The following RASL12 variants were observed in gnomAD, a reference collection of about 807,000 sequenced individuals.
The protein encoded by RASL12 is ras-like protein family member 12.
In RASL12, 16 loss-of-function variants were observed where a neutral mutation model predicts 22.9. The observed-to-expected ratio is 0.70, with a 90% CI of 0.47 to 1.06. The LOEUF is 1.06. Among genes scored for constraint, RASL12 ranks in the 50% least tolerant of loss-of-function variants. The probability of loss-of-function intolerance (pLI) is 0.00; values close to 1 mark genes in which losing one functional copy is unlikely to be tolerated. For synonymous variants in RASL12, 159 were observed against 152.2 expected (o/e 1.04, Z -0.33); for missense variants, 306 against 353.1 (o/e 0.87, Z 1.07).
chr15:65,049,696 C>T (rs528378414), downstream of RASL12: 104 of 223,866 alleles, frequency 4.6e-4, no homozygotes, highest in African/African-American at 2.3e-3. Flanking sequence ...GAACAGTGCT[C>T]CTCCACACAT....
At chr15:65,073,785 G>A (rs995290531) in intron 1 of RASL12, among the ~76,000 whole-genome samples, 1 of 152,162 alleles carries the variant, frequency 6.6e-6, no homozygotes, top group African/African-American at 2.4e-5. Context: ...AGCAATAAAT[G>A]GATAATATCC....
chr15:65,051,045 T>C (rs1448991528), downstream of RASL12, among the ~76,000 whole-genome samples: 1 of 151,944 alleles, frequency 6.6e-6, no homozygotes, highest in African/African-American at 2.4e-5. Context: ...CATTTCACCA[T>C]GTTGGCCAGG....
At chr15:65,076,296 C>G (rs61447573) in intron 1 of RASL12, among the ~76,000 whole-genome samples, 1 of 152,278 alleles carries the variant, frequency 6.6e-6, no homozygotes, top group African/African-American at 2.4e-5. Context: ...TAACACTCAC[C>G]GTGAAAGTCT....
Position 65,053,433 on chromosome 15 carries a change from A to G in RASL12, c.*1466T>C, listed in dbSNP as rs2086684042. The stretch of plus-strand genomic sequence containing the variant: ...AGATGGCAGTGGTACACACACACAT[A>G]CACACACAAGTGGCCTGGAGCAAAA... On this transcript the variant is annotated 3_prime_UTR_variant, in exon 5 of 5. Coordinates refer to ENST00000220062, the MANE Select transcript of RASL12 (RefSeq NM_016563.4). The G allele has an allele frequency of 1.6e-6, 2 of 1,253,530 alleles. No individual in the cohort carries two copies. Among genetic ancestry groups the G allele is most frequent in the Non-Finnish European group, 2.0e-6 (2 of 996,084 alleles). The allele number at this position is 1,253,530 out of a possible 1,614,324, so 77.7% of individuals were successfully genotyped here.
chr15:65,051,927 CAG>C (rs2086658807), downstream of RASL12, among the ~76,000 whole-genome samples: 1 of 152,190 alleles, frequency 6.6e-6, no homozygotes, highest in African/African-American at 2.4e-5. Context: ...AAAGTCAACT[CAG>C]AGATGAGTGG....
At chr15:65,060,709 A>G (rs112295327) in intron 2 of RASL12, among the ~76,000 whole-genome samples, 45 of 152,304 alleles carry the variant, frequency 3.0e-4, no homozygotes, top group African/African-American at 1.0e-3. Flanking sequence ...ACCTTTTGGC[A>G]GAACTGGGGT....
intron 4 of RASL12, among the ~76,000 whole-genome samples, chr15:65,056,981 C>G (rs2086740257): frequency 6.6e-6 from 1 of 152,150 alleles, no homozygotes; most frequent in East Asian, 1.9e-4. Flanking sequence ...GTACTGAAAA[C>G]TGGCCTACTC....
chr15:65,067,682 A>G, intron 1 of RASL12, 51 bp downstream of exon 1: 1 of 1,499,142 alleles, frequency 6.7e-7, no homozygotes, highest in Non-Finnish European at 8.9e-7. Flanking sequence ...CTGTCCCCCC[A>G]CCCACGCCCA....
rs147234842 is a variant in RASL12, at chr15:65,074,822, C to T, written c.70+1707G>A. Among the ~76,000 whole-genome samples the T allele has an allele frequency of 4.0e-3, 603 of 152,364 alleles. 2 individuals are homozygous for T. Among genetic ancestry groups the T allele is most frequent in the East Asian group, 0.011 (56 of 5,192 alleles). On this transcript the variant is annotated intron_variant, in intron 1 of 4. Coordinates refer to the RASL12 transcript ENST00000434605. Reference sequence around the variant, plus strand: ...AGTGCGCCCGCACGCTGCAGGTGCACGGTATATGGTCACTATTATTGAGAG... The same window carrying T: ...AGTGCGCCCGCACGCTGCAGGTGCATGGTATATGGTCACTATTATTGAGAG...
chr15:65,071,535 C>T (rs2140537805), upstream of RASL12, among the ~76,000 whole-genome samples: 1 of 152,272 alleles, frequency 6.6e-6, no homozygotes, highest in South Asian at 2.1e-4. Flanking sequence ...GACCCCCCAC[C>T]TTGGATGACC....
intron 1 of RASL12, chr15:65,076,397 C>G (rs897678065): frequency 4.1e-6 from 2 of 484,358 alleles, no homozygotes; most frequent in African/African-American, 4.0e-5. Flanking sequence ...GTAACACTCA[C>G]AGCGAAGGTC....
At chr15:65,052,867 TAGAG>T, downstream of RASL12, 1 of 1,082,698 alleles carries the variant, frequency 9.2e-7, no homozygotes, top group Non-Finnish European at 1.4e-6. Context: ...CCAAACTGCA[TAGAG>T]AATTTTCCCC....
In RASL12 at chr15:65,067,936, G is replaced by A; in HGVS notation, c.-101C>T. 7.8e-7 allele frequency: 1 copy of A among 1,283,496 alleles called. No homozygotes were observed. The allele number at this position is 1,283,496 out of a possible 1,614,324, so 79.5% of individuals were successfully genotyped here. A position where few individuals can be genotyped will look rare whatever the true frequency, so the allele number is the denominator to read the frequency against. ...GGAGCGGGATGCAGGCTTCCCTGGA[G>A]CGCGCGGCCCCGGACCCGTCGGCGT... On this transcript the variant is annotated 5_prime_UTR_variant, in exon 1 of 5. Coordinates refer to ENST00000220062, the MANE Select transcript of RASL12 (RefSeq NM_016563.4).
At chr15:65,049,793 C>G (rs1427639758), downstream of RASL12, 14 of 426,678 alleles carry the variant, frequency 3.3e-5, no homozygotes, top group Non-Finnish European at 5.0e-5. Context: ...TCGTTCGGGT[C>G]GTTTTTGTCC....
downstream of RASL12, chr15:65,053,125 G>C (rs773438957): frequency 2.5e-6 from 4 of 1,614,054 alleles, no homozygotes; most frequent in Non-Finnish European, 3.4e-6. Context: ...GAGATGTGCT[G>C]TCAGTTTTCC....
upstream of RASL12, chr15:65,068,354 A>C (rs2086906531): frequency 3.2e-6 from 3 of 940,278 alleles, no homozygotes; most frequent in Non-Finnish European, 3.8e-6. This position sits in a 1 kb window ranked among gnomAD's most constrained non-coding sequence, Gnocchi z 4.2. Context: ...CTCCTCCTCC[A>C]GGAAGCTTCC....
chr15:65,064,587 C>A (rs552995091), intron 2 of RASL12, among the ~76,000 whole-genome samples: 25 of 151,794 alleles, frequency 1.6e-4, no homozygotes, highest in African/African-American at 5.8e-4. Context: ...AGAATAATAC[C>A]TATTTGTTTT....
chr15:65,058,638 C>T (rs767430103), intron 3 of RASL12, 21 bp from the exon 4 acceptor site: 1 of 1,474,876 alleles, frequency 6.8e-7, no homozygotes, highest in Non-Finnish European at 9.1e-7. Context: ...GGTGAGAAGC[C>T]CCGCCGGGGG....
chr15:65,074,533 T>C (rs978379451), intron 1 of RASL12, among the ~76,000 whole-genome samples: 3 of 152,132 alleles, frequency 2.0e-5, no homozygotes, highest in Non-Finnish European at 2.9e-5. Flanking sequence ...TAGCTGGTAT[T>C]ACAGGCACGT....
Sources: gnomAD v4.1 joint callset for allele counts (sites outside exome capture counted in the v4.1 genomes callset) on GRCh38, gnomAD v4.1.1 for gene constraint, Gnocchi (gnomAD v3.1) non-coding constraint, MANE v1.5 for transcripts, NCBI Gene and HGNC (gene_info 2026-07-23, HGNC 2026-07-21) for gene names.